The following CRY2 variants were observed in gnomAD, a reference collection of about 807,000 sequenced individuals.
The protein encoded by CRY2 is cryptochrome circadian regulator 2.
CRY2 carries 31 observed loss-of-function variants against 69.5 expected under a neutral mutation model. The observed-to-expected ratio is 0.45, with a 90% CI of 0.34 to 0.60. The LOEUF is 0.60. Among genes scored for constraint, CRY2 ranks in the 20% least tolerant of loss-of-function variants. CRY2 has a pLI of 0.02. For synonymous variants in CRY2, 303 were observed against 312.2 expected (o/e 0.97, Z 0.31); for missense variants, 606 against 797.8 (o/e 0.76, Z 2.90).
At chr11:45,873,106 G>A (rs1014849958) in intron 11 of CRY2, among the ~76,000 whole-genome samples, 2 of 152,168 alleles carry the variant, frequency 1.3e-5, no homozygotes, top group Non-Finnish European at 2.9e-5. Flanking sequence ...CAAAACACTG[G>A]CTTCTCCTTT....
At chr11:45,852,247 C>T (rs2086203630) in intron 1 of CRY2, among the ~76,000 whole-genome samples, 1 of 152,228 alleles carries the variant, frequency 6.6e-6, no homozygotes, top group Non-Finnish European at 1.5e-5. Context: ...CAGCTAAGAG[C>T]TGCCAAGGGT....
chr11:45,875,349 C>T (rs943369193), intron 11 of CRY2, among the ~76,000 whole-genome samples: 18 of 152,146 alleles, frequency 1.2e-4, no homozygotes, highest in African/African-American at 4.1e-4. Context: ...CATGAGTCTG[C>T]TATGTACTCT....
chr11:45,878,638 C>T (rs1471640370), intron 11 of CRY2, among the ~76,000 whole-genome samples: 4 of 152,144 alleles, frequency 2.6e-5, no homozygotes, highest in African/African-American at 9.7e-5. Context: ...GAATAAAACA[C>T]ACAGCCAGGT....
At chr11:45,879,936 C>G (rs999901191) in intron 11 of CRY2, among the ~76,000 whole-genome samples, 3 of 152,184 alleles carry the variant, frequency 2.0e-5, no homozygotes, top group African/African-American at 7.2e-5. Context: ...CTGTCTGGGT[C>G]TAAATTTCCT....
At chr11:45,877,119 C>CT (rs2086430111) in intron 11 of CRY2, among the ~76,000 whole-genome samples, 1 of 152,250 alleles carries the variant, frequency 6.6e-6, no homozygotes, top group African/African-American at 2.4e-5. Context: ...GTCCCTTCCA[C>CT]TTTCTTGCAT....
chr11:45,871,621 T>C (rs11038698), intron 10 of CRY2, among the ~76,000 whole-genome samples: 15,368 of 152,202 alleles, frequency 0.1, 972 homozygotes, highest in African/African-American at 0.17. Context: ...ACAGATTCGC[T>C]GCATTCGGAG....
intron 11 of CRY2, among the ~76,000 whole-genome samples, chr11:45,872,815 C>T (rs1056910264): frequency 2.0e-5 from 3 of 152,064 alleles, no homozygotes; most frequent in Admixed American, 6.5e-5. Flanking sequence ...TGTGAAGCAG[C>T]GGGGAAAAGG....
chr11:45,860,770 T>C, intron 3 of CRY2, 78 bp from the exon 4 acceptor site: 1 of 1,509,064 alleles, frequency 6.6e-7, no homozygotes, highest in Non-Finnish European at 9.0e-7. Flanking sequence ...CTTCAGAGTC[T>C]GGGTTCTTTT....
At chr11:45,876,674 C>A (rs930040126) in intron 11 of CRY2, among the ~76,000 whole-genome samples, 4 of 152,202 alleles carry the variant, frequency 2.6e-5, no homozygotes, top group Non-Finnish European at 5.9e-5. Context: ...CCCTCCCCCG[C>A]GGGCTTTTGT....
intron 11 of CRY2, among the ~76,000 whole-genome samples, chr11:45,878,925 A>G (rs1421853749): frequency 1.1e-5 from 1 of 87,800 alleles, no homozygotes; most frequent in Non-Finnish European, 2.9e-5. Flanking sequence ...TCTATTAAAA[A>G]AAAAAAAAAA....
chr11:45,847,222 A>C (rs1590758442), upstream of CRY2: 1 of 1,550,790 alleles, frequency 6.4e-7, no homozygotes, highest in South Asian at 1.2e-5. Context: ...CAGCCTGCGG[A>C]CAGCCCCAGC....
chr11:45,847,264 C>T (rs780169502), upstream of CRY2: 2 of 1,551,892 alleles, frequency 1.3e-6, no homozygotes, highest in African/African-American at 1.4e-5. Flanking sequence ...CAGCTCCACC[C>T]GGGCGGACCC....
At position 45,858,893 on chromosome 11, in the gene CRY2, G is replaced by T. The variant is rs2086263973; in HGVS notation, c.467+20G>T. ...GGACAGGTAAGAGATGGGGCCCAGG[G>T]ATCAGGTTACCAATTGTGAGAGTTA... On this transcript the variant is annotated intron_variant, in intron 3 of 11. Transcript: ENST00000616080. The T allele has an allele frequency of 3.1e-6, 5 of 1,609,474 alleles. No homozygotes were observed. The South Asian group carries it at 3.3e-5, about 11-fold the overall frequency.
intron 5 of CRY2, among the ~76,000 whole-genome samples, chr11:45,867,244 A>G (rs1041130114): frequency 6.6e-6 from 1 of 152,240 alleles, no homozygotes; most frequent in Non-Finnish European, 1.5e-5. Flanking sequence ...TTTCTGTAAC[A>G]TAGAAGCCTT....
chr11:45,856,137 C>T (rs2292912), intron 2 of CRY2, 47 bp downstream of exon 2: 12 of 1,465,606 alleles, frequency 8.2e-6, no homozygotes, highest in African/African-American at 7.0e-5. Flanking sequence ...CTGTCCCTGA[C>T]GGTTTCCCCA....
At chr11:45,847,314 G>T, upstream of CRY2, 1 of 1,577,164 alleles carries the variant, frequency 6.3e-7, no homozygotes. Flanking sequence ...CTGTTCCGGC[G>T]CCTCTGGGCC....
At chr11:45,851,016 A>G (rs1174595455) in intron 1 of CRY2, among the ~76,000 whole-genome samples, 3 of 141,820 alleles carry the variant, frequency 2.1e-5, no homozygotes, top group Admixed American at 1.5e-4. Flanking sequence ...TTGTAGCTAT[A>G]TGAGCCTCAG....
intron 1 of CRY2, among the ~76,000 whole-genome samples, chr11:45,851,133 G>A (rs1421794844): frequency 6.6e-6 from 1 of 151,778 alleles, no homozygotes; most frequent in Non-Finnish European, 1.5e-5. Context: ...ACTGCAGCAA[G>A]AAGATAAACT....
intron 6 of CRY2, 46 bp from the exon 7 acceptor site, chr11:45,869,460 A>G: frequency 6.4e-7 from 1 of 1,551,946 alleles, no homozygotes; most frequent in Admixed American, 1.8e-5. Context: ...CACCATGCTA[A>G]GAGCTGGGCG....
Sources: allele counts gnomAD v4.1 joint callset (sites outside exome capture counted in the v4.1 genomes callset), GRCh38; gene constraint gnomAD v4.1.1; transcripts MANE v1.5; gene names NCBI Gene and HGNC (gene_info 2026-07-23, HGNC 2026-07-21).